RASL12: variants seen among roughly 807,000 people sequenced by gnomAD.
RASL12 encodes ras-like protein family member 12.
RASL12 carries 16 observed loss-of-function variants against 22.9 expected under a neutral mutation model. The observed-to-expected ratio is 0.70, with a 90% CI of 0.47 to 1.06. The LOEUF (loss-of-function observed/expected upper bound fraction) is 1.06. RASL12 is among the 50% of genes least tolerant of loss of function. The pLI is 0.00. For synonymous variants in RASL12, 159 were observed against 152.2 expected (o/e 1.04, Z -0.33); for missense variants, 306 against 353.1 (o/e 0.87, Z 1.07).
chr15:65,047,763 CAGAT>C, the RASL12 span, among the ~76,000 whole-genome samples: 191 of 150,138 alleles, frequency 1.3e-3, no homozygotes, highest in South Asian at 5.3e-3. Context: ...GGTAGGTAGG[CAGAT>C]AGATAGATAG....
Position 65,053,795 on chromosome 15 carries a change from C to T in RASL12, c.*1104G>A. Reference sequence around the variant, plus strand: ...CAACTACCACACTGCCTGCCTTGGACAGCCTTTTCTTGCTAACAGTGGGAT... The same window carrying T: ...CAACTACCACACTGCCTGCCTTGGATAGCCTTTTCTTGCTAACAGTGGGAT... On this transcript the variant is annotated 3_prime_UTR_variant, in exon 5 of 5. Transcript: ENST00000220062. 1.0e-6 allele frequency: 1 copy of T among 986,202 alleles called. No homozygotes were observed. The highest frequency in any genetic ancestry group is 1.2e-6 in the Non-Finnish European group (1 of 830,230). The allele number at this position is 986,202 out of a possible 1,614,324, so 61.1% of individuals were successfully genotyped here.
At chr15:65,075,324 T>A (rs2086958525) in intron 1 of RASL12, among the ~76,000 whole-genome samples, 1 of 152,220 alleles carries the variant, frequency 6.6e-6, no homozygotes, top group South Asian at 2.1e-4. Context: ...CATGGGCTCC[T>A]GTGCGGCCCG....
downstream of RASL12, chr15:65,051,576 C>A: frequency 6.2e-7 from 1 of 1,613,620 alleles, no homozygotes; most frequent in South Asian, 1.1e-5. Context: ...TAAGCATGGT[C>A]CTCCTGGGAA....
At chr15:65,062,028 C>T (rs2140525130) in intron 2 of RASL12, among the ~76,000 whole-genome samples, 1 of 150,788 alleles carries the variant, frequency 6.6e-6, no homozygotes, top group Admixed American at 6.6e-5. Flanking sequence ...TTGCAGTGAG[C>T]CGAGATTGCG....
intron 2 of RASL12, among the ~76,000 whole-genome samples, chr15:65,062,235 C>G (rs1376943451): frequency 6.6e-6 from 1 of 152,156 alleles, no homozygotes; most frequent in Non-Finnish European, 1.5e-5. Context: ...CGGGTCTCAG[C>G]ACAGGCAAAG....
At chr15:65,045,844 G>A in the RASL12 span, among the ~76,000 whole-genome samples, 301 of 152,354 alleles carry the variant, frequency 2.0e-3, no homozygotes, top group African/African-American at 6.6e-3. Flanking sequence ...GCTCACTTTA[G>A]AAGCAAACTG....
rs202065892 is a variant in RASL12, at chr15:65,058,557, T to C, written c.295A>G (p.Ser99Gly). ...NWAHAFLVVY[S>G]VDSRQSFDSS... ...TCAAAGCTCTGGCGGCTGTCGACGCTGTACACCACCAGGAAGGCATGGGCC... is the reference window on the plus strand; with the variant it reads ...TCAAAGCTCTGGCGGCTGTCGACGCCGTACACCACCAGGAAGGCATGGGCC... Residue 99 changes from serine to glycine, a missense_variant, in exon 4 of 5, where the codon AGC becomes GGC. By Grantham distance (56) the Ser-to-Gly change is moderately conservative. Transcript: ENST00000220062. 3 of 1,610,432 alleles carry C rather than the reference T, an allele frequency of 1.9e-6. No homozygotes were observed. Among genetic ancestry groups the C allele is most frequent in the Admixed American group, 3.3e-5 (2 of 59,800 alleles).
Position 65,055,119 on chromosome 15 carries a change from C to A in RASL12, c.581G>T (p.Arg194Leu). 1 of 1,609,386 alleles carries A rather than the reference C, an allele frequency of 6.2e-7. No homozygotes were observed. Among genetic ancestry groups the A allele is most frequent in the South Asian group, 1.1e-5 (1 of 90,640 alleles). ...CCTCTCCTCGGAGATGAAGAGGGGC[C>A]GGGTCAGGGGGCTCTTCTCCAGCTC... ...RRELEKSPLTRPLFISEERAL... is the reference protein window; with the variant it reads ...RRELEKSPLTLPLFISEERAL... Residue 194 changes from arginine to leucine, a missense_variant, in exon 5 of 5, where the codon CGG (arginine) becomes CTG (leucine). Coordinates refer to ENST00000220062, the MANE Select transcript of RASL12 (RefSeq NM_016563.4).
chr15:65,060,570 T>C (rs965046168), intron 2 of RASL12, among the ~76,000 whole-genome samples: 3 of 152,236 alleles, frequency 2.0e-5, no homozygotes, highest in African/African-American at 7.2e-5. Flanking sequence ...GCAGAGGACC[T>C]TGCGGCCATG....
chr15:65,069,803 A>G (rs1211640794), upstream of RASL12, among the ~76,000 whole-genome samples: 5 of 152,230 alleles, frequency 3.3e-5, no homozygotes, highest in African/African-American at 9.6e-5. Context: ...CGAATGTTGC[A>G]GTAAGATGAC....
chr15:65,075,323 C>CA lies in RASL12; in HGVS notation c.70+1205_70+1206insT, dbSNP rs2086958510. On this transcript the variant is annotated intron_variant, in intron 1 of 4. Coordinates refer to the RASL12 transcript ENST00000434605. ...AGCCTCCCATCCACTCCATGGGCTCCTGTGCGGCCCGAGCCTCCCCGACGA... is the reference window on the plus strand; with the variant it reads ...AGCCTCCCATCCACTCCATGGGCTCCATGTGCGGCCCGAGCCTCCCCGACGA... Among the ~76,000 whole-genome samples the CA allele has an allele frequency of 5.9e-5, 9 of 152,364 alleles. No homozygotes were observed. The South Asian group carries it at 1.9e-3, about 32-fold the overall frequency.
chr15:65,074,569 G>C (rs904466158), intron 1 of RASL12, among the ~76,000 whole-genome samples: 1 of 152,002 alleles, frequency 6.6e-6, no homozygotes, highest in Non-Finnish European at 1.5e-5. Flanking sequence ...TAATTTTTTT[G>C]TATTTTTAAT....
At chr15:65,063,324 A>G (rs1266386714) in intron 2 of RASL12, among the ~76,000 whole-genome samples, 1 of 152,034 alleles carries the variant, frequency 6.6e-6, no homozygotes, top group Non-Finnish European at 1.5e-5. Context: ...TTTCCCAGAC[A>G]CTGTGTCTGC....
At chr15:65,048,996 T>TGAGA (rs1298447032), downstream of RASL12, among the ~76,000 whole-genome samples, 1 of 128,312 alleles carries the variant, frequency 7.8e-6, no homozygotes, top group African/African-American at 3.0e-5. Flanking sequence ...GGCGACAGAG[T>TGAGA]GAGACTCCGT....
chr15:65,059,009 T>C (rs1368387873), intron 3 of RASL12, among the ~76,000 whole-genome samples: 1 of 152,160 alleles, frequency 6.6e-6, no homozygotes, highest in African/African-American at 2.4e-5. Flanking sequence ...GACTTGTGTG[T>C]GGGAGAGACC....
At position 65,061,876 on chromosome 15, in the gene RASL12, T is replaced by C. The variant is rs578218882; in HGVS notation, c.161-2458A>G. Among the ~76,000 whole-genome samples the C allele has an allele frequency of 8.6e-5, 13 of 151,704 alleles. No homozygotes were observed. The South Asian group carries it at 2.1e-3, about 24-fold the overall frequency. On this transcript the variant is annotated intron_variant, in intron 2 of 4. Transcript: ENST00000220062. ...CATCCTGCTGAACACGGTGAAACCCTGTCTCTACTAAAAATACAAAAAAAT... is the reference window on the plus strand; with the variant it reads ...CATCCTGCTGAACACGGTGAAACCCCGTCTCTACTAAAAATACAAAAAAAT...
At position 65,055,024 on chromosome 15, in the gene RASL12, T is replaced by C. The variant is rs1196068563; in HGVS notation, c.676A>G (p.Thr226Ala). 1 of 1,613,880 alleles carries C rather than the reference T, an allele frequency of 6.2e-7. No homozygotes were observed. Among genetic ancestry groups the C allele is most frequent in the East Asian group, 2.2e-5 (1 of 44,886 alleles). Residue 226 changes from threonine to alanine, a missense_variant, in exon 5 of 5, where the codon ACC (threonine) becomes GCC (alanine). Coordinates refer to ENST00000220062, the MANE Select transcript of RASL12 (RefSeq NM_016563.4). ...LASCTFNTLS[T>A]INLKEMPTVA... ...GTGGGCATCTCCTTCAGGTTGATGGTGGAGAGCGTGTTGAAGGTGCAGCTG... is the reference window on the plus strand; with the variant it reads ...GTGGGCATCTCCTTCAGGTTGATGGCGGAGAGCGTGTTGAAGGTGCAGCTG...
chr15:65,074,055 G>A (rs1178327266), intron 1 of RASL12, among the ~76,000 whole-genome samples: 1 of 152,208 alleles, frequency 6.6e-6, no homozygotes. Context: ...CTGCAAAGCA[G>A]GGTTGCTACC....
chr15:65,057,081 C>G (rs567106994), intron 4 of RASL12, among the ~76,000 whole-genome samples: 141 of 152,360 alleles, frequency 9.3e-4, no homozygotes, highest in Non-Finnish European at 1.4e-3. Context: ...CCCTCATTCT[C>G]TGAGACACAA....
Sources: allele counts gnomAD v4.1 joint callset (sites outside exome capture counted in the v4.1 genomes callset), GRCh38; gene constraint gnomAD v4.1.1; transcripts MANE v1.5; gene names NCBI Gene and HGNC (gene_info 2026-07-23, HGNC 2026-07-21).